KRT86: variants seen among roughly 807,000 people sequenced by gnomAD.
KRT86 encodes the protein keratin 86, also known as keratin, type II cuticular Hb6.
Under a neutral mutation model 41.2 loss-of-function variants are expected in KRT86, and 30 were observed. That is an observed-to-expected ratio of 0.73 (90% confidence interval 0.54 to 0.99). KRT86 has a LOEUF of 0.99. KRT86 is among the 50% of genes least tolerant of loss of function. KRT86 has a pLI of 0.00. For missense variants in KRT86, 561 were observed against 571.4 expected, an observed-to-expected ratio of 0.98 and a Z score of 0.19; for synonymous variants, 238 against 238.1, an observed-to-expected ratio of 1.00 and a Z score of 0.00.
At chr12:52,302,341 C>G in intron 3 of KRT86, 56 bp downstream of exon 3, 1 of 488,338 alleles carries the variant, frequency 2.0e-6, no homozygotes, top group Non-Finnish European at 3.4e-6. Flanking sequence ...CAGCCAGGGC[C>G]GGGCACTAAG....
At chr12:52,297,374 A>T (rs917422957) in intron 2 of KRT86, among the ~76,000 whole-genome samples, 1 of 152,084 alleles carries the variant, frequency 6.6e-6, no homozygotes, top group African/African-American at 2.4e-5. Context: ...TCCTCCTCTT[A>T]ATGCCTCCTT....
intron 2 of KRT86, among the ~76,000 whole-genome samples, chr12:52,282,381 T>C (rs1374638992): frequency 6.6e-6 from 1 of 151,982 alleles, no homozygotes; most frequent in Non-Finnish European, 1.5e-5. Flanking sequence ...TACAGGCGCC[T>C]GCCACCGTGA....
chr12:52,299,127 G>GTTC (rs1938314688), intron 2 of KRT86, among the ~76,000 whole-genome samples: 1 of 151,996 alleles, frequency 6.6e-6, no homozygotes, highest in African/African-American at 2.4e-5. Context: ...CCAGCCTCTG[G>GTTC]TAACCATCAT....
intron 2 of KRT86, chr12:52,291,473 C>A: frequency 6.2e-7 from 1 of 1,612,680 alleles, no homozygotes. Context: ...CATGATCCTC[C>A]TGGACGTTTG....
rs1938114261 is a variant in KRT86 at position 52,291,347 on chromosome 12, C to T, written c.-4-10566C>T. Reference sequence around the variant, plus strand: ...GTGGCTGCCGAAGCCCCCGGTGAGGCCGCGGTAGCAGGAGATGCCACGGTA... The same window carrying T: ...GTGGCTGCCGAAGCCCCCGGTGAGGTCGCGGTAGCAGGAGATGCCACGGTA... On this transcript the variant is annotated intron_variant, in intron 2 of 10. Transcript: ENST00000423955. 9 of 1,581,410 alleles carry T rather than the reference C, an allele frequency of 5.7e-6. No individual in the cohort carries two copies. In the East Asian group the frequency reaches 6.9e-5, roughly 12 times the overall value.
At chr12:52,304,633 TGA>T (rs1938458640) in intron 5 of KRT86, among the ~76,000 whole-genome samples, 1 of 150,632 alleles carries the variant, frequency 6.6e-6, no homozygotes, top group African/African-American at 2.4e-5. Context: ...GGTCAGGGTG[TGA>T]GAGCTGGGGG....
At chr12:52,279,039 GT>G (rs1441726050) in intron 2 of KRT86, 1 of 152,254 alleles carries the variant, frequency 6.6e-6, no homozygotes, top group Non-Finnish European at 1.5e-5. Context: ...GGGGCTTGGG[GT>G]GGGGGGAGGA....
At chr12:52,274,790 T>C (rs2121185433) in intron 1 of KRT86, 68 bp downstream of exon 1, 1 of 951,852 alleles carries the variant, frequency 1.1e-6, no homozygotes, top group African/African-American at 1.8e-5. Flanking sequence ...CCCAGATCTG[T>C]TGGGCATACA....
At chr12:52,296,941 G>C (rs112136181) in intron 2 of KRT86, among the ~76,000 whole-genome samples, 3 of 152,202 alleles carry the variant, frequency 2.0e-5, no homozygotes, top group Non-Finnish European at 4.4e-5. Context: ...TCTCAGGGAC[G>C]ACACTGTCCC....
At chr12:52,301,876 G>T (rs755444963) in intron 2 of KRT86, 37 bp from the exon 3 acceptor site, 3 of 1,613,580 alleles carry the variant, frequency 1.9e-6, no homozygotes, top group Non-Finnish European at 1.7e-6. Flanking sequence ...CCATTCGGAC[G>T]TCTCCATCCT....
At chr12:52,284,164 C>G (rs762370498) in intron 2 of KRT86, among the ~76,000 whole-genome samples, 3 of 152,100 alleles carry the variant, frequency 2.0e-5, no homozygotes, top group Non-Finnish European at 4.4e-5. Context: ...GGACTCCTGA[C>G]AGGGGCTGCT....
intron 8 of KRT86, 133 bp downstream of exon 8, chr12:52,305,921 CTCTG>C: frequency 1.9e-6 from 3 of 1,577,830 alleles, no homozygotes; most frequent in Non-Finnish European, 2.6e-6. Context: ...TGGTTGTGGT[CTCTG>C]TGAGTCCCAG....
chr12:52,308,215 C>T lies in KRT86; in HGVS notation c.1248-18C>T, dbSNP rs201849281. 23 of 1,614,070 alleles carry T rather than the reference C, an allele frequency of 1.4e-5. No homozygotes were observed. The highest frequency in any genetic ancestry group is 8.5e-6 in the Non-Finnish European group (10 of 1,180,062). On this transcript the variant is annotated intron_variant, in intron 9 of 10. Coordinates refer to ENST00000423955, the MANE Select transcript of KRT86 (RefSeq NM_001320198.2). ...CGCCTTTTCCGCGGCACTGACCTCT[C>T]GCCTTCTCTCCCTGCAGGCTGTGCG... is the stretch of plus-strand genomic sequence containing the variant.
At chr12:52,305,076 A>T in intron 6 of KRT86, 49 bp downstream of exon 6, 1 of 1,611,132 alleles carries the variant, frequency 6.2e-7, no homozygotes, top group Non-Finnish European at 8.5e-7. Flanking sequence ...CAGAGAGGAG[A>T]GATGGGGGTG....
rs116864521 is a variant in KRT86, at chr12:52,306,471, C to G, written c.1247+191C>G. 0.015 allele frequency: 12,185 copies of G among 793,554 alleles called. 126 individuals carry two copies. Among genetic ancestry groups the G allele is most frequent in the Non-Finnish European group, 0.019 (9,606 of 506,908 alleles). The allele number at this position is 793,554 out of a possible 1,614,324, so 49.2% of individuals were successfully genotyped here. A position where few individuals can be genotyped will look rare whatever the true frequency, so the allele number is the denominator to read the frequency against. On this transcript the variant is annotated intron_variant, in intron 9 of 10. Coordinates refer to ENST00000423955, the MANE Select transcript of KRT86 (RefSeq NM_001320198.2). ...CTCTCATGTTCACCCAGGCACTGAT[C>G]TGAGATTGCAGTCTTGTTCATCTCA...
At chr12:52,288,370 C>G (rs1284255792) in intron 2 of KRT86, 4 of 1,614,016 alleles carry the variant, frequency 2.5e-6, no homozygotes, top group Admixed American at 3.3e-5. Flanking sequence ...CCTCCTCATA[C>G]AGCCGCCTCA....
intron 9 of KRT86, chr12:52,307,221 C>G (rs1221664728): frequency 6.6e-6 from 1 of 152,182 alleles, no homozygotes; most frequent in African/African-American, 2.4e-5. Flanking sequence ...CATTGGAAAG[C>G]TCAGAGGCAG....
intron 5 of KRT86, 78 bp from the exon 6 acceptor site, chr12:52,304,854 G>A: frequency 1.3e-6 from 2 of 1,489,854 alleles, no homozygotes; most frequent in Admixed American, 1.7e-5. Context: ...CAGGCTTCAT[G>A]GAATGGGTGG....
chr12:52,282,294 G>A (rs542393533), intron 2 of KRT86, among the ~76,000 whole-genome samples: 43 of 150,924 alleles, frequency 2.8e-4, no homozygotes, highest in African/African-American at 9.7e-4. Flanking sequence ...CTGCAGTGGC[G>A]CAATCTTGGC....
Sources: allele counts gnomAD v4.1 joint callset (sites outside exome capture counted in the v4.1 genomes callset), GRCh38; gene constraint gnomAD v4.1.1; transcripts MANE v1.5; gene names NCBI Gene and HGNC (gene_info 2026-07-23, HGNC 2026-07-21).